Variants in GPR89A observed in about 807,000 individuals in gnomAD.
GPR89A encodes golgi pH regulator A, also known as G protein-coupled receptor 89A.
In GPR89A, 16 loss-of-function variants were observed where a neutral mutation model predicts 52.0. The observed-to-expected ratio is 0.31, with a 90% confidence interval of 0.21 to 0.47. The LOEUF is 0.47. Among genes scored for constraint, GPR89A ranks in the 20% least tolerant of loss-of-function variants. The probability of loss-of-function intolerance (pLI) is 1.00; values close to 1 mark genes in which losing one functional copy is unlikely to be tolerated. For synonymous variants in GPR89A, 55 were observed against 150.9 expected, an observed-to-expected ratio of 0.36 and a Z score of 4.66; for missense variants, 135 against 449.4, an observed-to-expected ratio of 0.30 and a Z score of 6.33.
intron 7 of GPR89A, among the ~76,000 whole-genome samples, chr1:145,643,324 C>T (rs2101800867): frequency 6.6e-6 from 1 of 150,922 alleles, no homozygotes; most frequent in South Asian, 2.1e-4. Context: ...GGTCACCACG[C>T]CCAGCTAATT....
At chr1:145,658,798 GAC>G (rs1454582732) in intron 10 of GPR89A, among the ~76,000 whole-genome samples, 1 of 151,826 alleles carries the variant, frequency 6.6e-6, no homozygotes, top group African/African-American at 2.4e-5. Context: ...TTTGTTTTGA[GAC>G]ACAGTCTCAC....
chr1:145,615,543 G>T (rs1450413732), intron 1 of GPR89A, among the ~76,000 whole-genome samples: 3 of 149,594 alleles, frequency 2.0e-5, no homozygotes, highest in African/African-American at 5.0e-5. Context: ...GTAGAGACGG[G>T]TTTTCACCAT....
chr1:145,647,877 C>A (rs201601973), intron 10 of GPR89A, among the ~76,000 whole-genome samples: 624 of 40,640 alleles, frequency 0.015, 3 homozygotes, highest in East Asian at 0.033. Context: ...CTCTCTCTCT[C>A]TCTATATATA....
At chr1:145,609,842 A>G (rs1293280058) in intron 1 of GPR89A, among the ~76,000 whole-genome samples, 1 of 152,176 alleles carries the variant, frequency 6.6e-6, no homozygotes, top group Non-Finnish European at 1.5e-5. Context: ...TTTGCATGGA[A>G]TGTTCTCTGT....
intron 7 of GPR89A, among the ~76,000 whole-genome samples, chr1:145,634,085 T>TTC: frequency 6.6e-6 from 1 of 150,870 alleles, no homozygotes; most frequent in Non-Finnish European, 1.5e-5. Context: ...TATTGTGTTT[T>TTC]TTTTTTTTTT....
At chr1:145,616,373 T>C (rs1398139106) in intron 2 of GPR89A, 80 bp downstream of exon 2, 13 of 1,149,518 alleles carry the variant, frequency 1.1e-5, no homozygotes, top group Non-Finnish European at 1.5e-5. Flanking sequence ...AGAAACATTA[T>C]GTTCATTTCC....
At chr1:145,635,545 G>A (rs1351385830) in intron 7 of GPR89A, among the ~76,000 whole-genome samples, 1 of 152,168 alleles carries the variant, frequency 6.6e-6, no homozygotes, top group Admixed American at 6.5e-5. Flanking sequence ...TATTTTACAT[G>A]AGTGTATATA....
chr1:145,627,319 T>C (rs587611116), intron 5 of GPR89A, among the ~76,000 whole-genome samples: 1 of 152,200 alleles, frequency 6.6e-6, no homozygotes, highest in South Asian at 2.1e-4. Context: ...AGAGGGGGAA[T>C]TTTTTCAGTT....
intron 10 of GPR89A, among the ~76,000 whole-genome samples, 199 bp from the exon 11 acceptor site, chr1:145,663,130 A>C (rs2624712): frequency 4.6e-5 from 7 of 152,150 alleles, no homozygotes; most frequent in African/African-American, 7.2e-5. Context: ...AGATGGAGGA[A>C]ATAGGGACTT....
At chr1:145,626,692 A>G (rs587656891) in intron 5 of GPR89A, among the ~76,000 whole-genome samples, 95 of 151,148 alleles carry the variant, frequency 6.3e-4, no homozygotes, top group Non-Finnish European at 1.3e-3. Flanking sequence ...GCTCACCCCT[A>G]TAATCCCAGC....
chr1:145,663,387 T>C lies in GPR89A; in HGVS notation c.968T>C (p.Ile323Thr). The C allele has an allele frequency of 6.2e-7, 1 of 1,610,818 alleles. No individual in the cohort carries two copies. The highest frequency in any genetic ancestry group is 8.5e-7 in the Non-Finnish European group (1 of 1,179,190). The change falls in exon 11 of 14, where the codon ATT becomes ACT. Residue 323 changes from isoleucine (I) to threonine (T), a missense_variant. Ile to Thr is a moderately conservative substitution (Grantham distance 89). This residue lies in a region of GPR89A where 28 missense variants were observed against 61.6 expected (regional missense o/e 0.45). Coordinates refer to ENST00000313835, the MANE Select transcript of GPR89A (RefSeq NM_001097612.2). Reference protein sequence around the residue: ...VGKTDPVTRGIEITVNYLGIQ... With the variant: ...VGKTDPVTRGTEITVNYLGIQ... The stretch of plus-strand genomic sequence containing the variant: ...AAAACGGATCCTGTCACAAGAGGCA[T>C]TGAGATCACTGTGAATTATCTGGGA...
At chr1:145,611,026 A>G (rs1427435177) in intron 1 of GPR89A, among the ~76,000 whole-genome samples, 1 of 152,116 alleles carries the variant, frequency 6.6e-6, no homozygotes, top group East Asian at 1.9e-4. Context: ...CTCATTTTTA[A>G]TAAGAAGCTA....
At chr1:145,617,314 T>C (rs1218186006) in intron 2 of GPR89A, among the ~76,000 whole-genome samples, 9 of 152,214 alleles carry the variant, frequency 5.9e-5, no homozygotes, top group African/African-American at 2.2e-4. Flanking sequence ...TCAGACCTTA[T>C]GGTTATCTTT....
Position 145,663,361 on chromosome 1 carries a change from G to C in GPR89A, c.942G>C (p.Gly314=). Residue 314 remains glycine, a synonymous_variant, in exon 11 of 14, where the codon GGG becomes GGC. Coordinates refer to ENST00000313835, the MANE Select transcript of GPR89A (RefSeq NM_001097612.2). ...ATINIVFDRV[G]KTDPVTRGIE... ...TCAATATTGTTTTTGATCGAGTTGG[G>C]AAAACGGATCCTGTCACAAGAGGCA... is the stretch of plus-strand genomic sequence containing the variant. 1 of 1,610,704 alleles carries C rather than the reference G, an allele frequency of 6.2e-7. No homozygotes were observed. The highest frequency in any genetic ancestry group is 8.5e-7 in the Non-Finnish European group (1 of 1,179,164).
At chr1:145,652,445 G>A (rs1331875765) in intron 10 of GPR89A, among the ~76,000 whole-genome samples, 1 of 142,136 alleles carries the variant, frequency 7.0e-6, no homozygotes, top group Non-Finnish European at 1.5e-5. Context: ...AGGGATATTG[G>A]CCTGAAGTTT....
At chr1:145,608,266 C>G in intron 1 of GPR89A, 91 bp downstream of exon 1, 3 of 1,536,366 alleles carry the variant, frequency 2.0e-6, no homozygotes, top group Non-Finnish European at 2.7e-6. Flanking sequence ...GGTCCGGGGT[C>G]TCGCTCCTCT....
intron 1 of GPR89A, 148 bp from the exon 2 acceptor site, chr1:145,616,086 A>G: frequency 3.2e-6 from 2 of 628,022 alleles, no homozygotes; most frequent in South Asian, 4.2e-5. Context: ...ATGAGCTTTA[A>G]TAATAGGTCT....
intron 10 of GPR89A, among the ~76,000 whole-genome samples, chr1:145,658,570 A>G (rs1651972425): frequency 6.8e-6 from 1 of 147,342 alleles, no homozygotes; most frequent in Non-Finnish European, 1.5e-5. Context: ...TTGAAGCTGC[A>G]GTGAGCCGTG....
chr1:145,609,197 G>A (rs35289018), intron 1 of GPR89A, among the ~76,000 whole-genome samples: 3 of 152,248 alleles, frequency 2.0e-5, no homozygotes, highest in East Asian at 1.9e-4. Flanking sequence ...AATAACAGAA[G>A]CAGTTACCTT....
Sources: allele counts gnomAD v4.1 joint callset (sites outside exome capture counted in the v4.1 genomes callset), GRCh38; gene constraint gnomAD v4.1.1; regional missense constraint gnomAD v4.1.1; transcripts MANE v1.5; gene names NCBI Gene and HGNC (gene_info 2026-07-23, HGNC 2026-07-21).